The following ENTREP2 variants were observed in gnomAD, a reference collection of about 807,000 sequenced individuals.
The protein encoded by ENTREP2 is endosomal transmembrane epsin interactor 2, also known as protein ENTREP2.
At chr15:29,125,694 C>A in the ENTREP2 span, among the ~76,000 whole-genome samples, 1 of 152,202 alleles carries the variant, frequency 6.6e-6, no homozygotes, top group African/African-American at 2.4e-5. Flanking sequence ...TTCTCCAGCG[C>A]CGGGGGTGCC....
At chr15:29,445,742 ACTCCTGGAGAAG>A in the ENTREP2 span, among the ~76,000 whole-genome samples, 1 of 152,022 alleles carries the variant, frequency 6.6e-6, no homozygotes, top group African/African-American at 2.4e-5. Flanking sequence ...CAGCCATCCC[ACTCCTGGAGAAG>A]GGAGTTGTGA....
At chr15:29,524,268 G>C in the ENTREP2 span, among the ~76,000 whole-genome samples, 1 of 152,176 alleles carries the variant, frequency 6.6e-6, no homozygotes, top group African/African-American at 2.4e-5. Flanking sequence ...CACATGAAAA[G>C]ATGCTCAACA....
chr15:29,452,456 T>C, the ENTREP2 span: 4 of 152,238 alleles, frequency 2.6e-5, no homozygotes, highest in Non-Finnish European at 5.9e-5. Flanking sequence ...TCAACTAATG[T>C]GATGTGGCGA....
the ENTREP2 span, among the ~76,000 whole-genome samples, chr15:29,197,012 C>T: frequency 2.0e-5 from 3 of 152,168 alleles, no homozygotes; most frequent in African/African-American, 4.8e-5. Context: ...GCGCCACCCT[C>T]GAGGCCTTGT....
the ENTREP2 span, among the ~76,000 whole-genome samples, chr15:29,426,731 G>C: frequency 1.3e-5 from 2 of 152,300 alleles, no homozygotes; most frequent in Admixed American, 6.5e-5. Context: ...TCATAAGCCA[G>C]AGTTGTTTTG....
At chr15:29,556,483 G>A in the ENTREP2 span, among the ~76,000 whole-genome samples, 130,210 of 152,184 alleles carry the variant, frequency 0.86, 56,039 homozygotes, top group East Asian at 0.98. Flanking sequence ...AAATTCCCAA[G>A]GAACAGAGAA....
chr15:29,371,861 T>C, the ENTREP2 span, among the ~76,000 whole-genome samples: 1 of 151,642 alleles, frequency 6.6e-6, no homozygotes, highest in Admixed American at 6.6e-5. Context: ...ATTTAGAAGG[T>C]AGAGCATCTA....
At chr15:29,158,808 T>C in the ENTREP2 span, among the ~76,000 whole-genome samples, 1 of 152,154 alleles carries the variant, frequency 6.6e-6, no homozygotes, top group South Asian at 2.1e-4. Flanking sequence ...TTATTAATGT[T>C]ATAAAGTTAA....
chr15:29,368,337 A>AAAAT, the ENTREP2 span, among the ~76,000 whole-genome samples: 3 of 146,186 alleles, frequency 2.1e-5, no homozygotes, highest in Admixed American at 6.8e-5. Flanking sequence ...CAAAAAAAAA[A>AAAAT]ATATATATAT....
chr15:29,249,683 G>A, the ENTREP2 span, among the ~76,000 whole-genome samples: 1 of 152,100 alleles, frequency 6.6e-6, no homozygotes, highest in Non-Finnish European at 1.5e-5. Flanking sequence ...CTCAGGGTAG[G>A]TCATGTCCAC....
the ENTREP2 span, among the ~76,000 whole-genome samples, chr15:29,553,081 A>C: frequency 6.6e-6 from 1 of 152,258 alleles, no homozygotes; most frequent in Non-Finnish European, 1.5e-5. Context: ...AGATCGTTTG[A>C]GGCCAGGAGT....
At chr15:29,384,579 G>A in the ENTREP2 span, among the ~76,000 whole-genome samples, 1 of 152,168 alleles carries the variant, frequency 6.6e-6, no homozygotes, top group East Asian at 1.9e-4. Flanking sequence ...ACCTCCCTTG[G>A]TGGCCCCACT....
the ENTREP2 span, among the ~76,000 whole-genome samples, chr15:29,633,973 C>A: frequency 2.0e-5 from 3 of 151,894 alleles, no homozygotes; most frequent in African/African-American, 7.2e-5. Context: ...AAAGAAAAAA[C>A]GGGGTGGGGG....
At chr15:29,556,844 C>A in the ENTREP2 span, among the ~76,000 whole-genome samples, 1 of 151,072 alleles carries the variant, frequency 6.6e-6, no homozygotes, top group Non-Finnish European at 1.5e-5. Context: ...GCTCTCATCA[C>A]CCACCGCCAG....
At chr15:29,559,088 C>A in the ENTREP2 span, among the ~76,000 whole-genome samples, 1 of 152,030 alleles carries the variant, frequency 6.6e-6, no homozygotes. Context: ...AAAATGAGGA[C>A]AAGACGTAGT....
chr15:29,429,162 T>C, the ENTREP2 span, among the ~76,000 whole-genome samples: 1 of 151,068 alleles, frequency 6.6e-6, no homozygotes, highest in African/African-American at 2.4e-5. Context: ...TGTCCATCCA[T>C]CCATCCATCC....
the ENTREP2 span, among the ~76,000 whole-genome samples, chr15:29,338,155 T>C: frequency 2.0e-5 from 3 of 152,026 alleles, no homozygotes; most frequent in African/African-American, 7.2e-5. Flanking sequence ...GAGGGCACTT[T>C]TGAGTGTGGG....
the ENTREP2 span, among the ~76,000 whole-genome samples, chr15:29,330,274 T>C: frequency 7.8e-6 from 1 of 127,766 alleles, no homozygotes; most frequent in Non-Finnish European, 1.7e-5. Context: ...CGGCCTCTAC[T>C]AAAAATACAA....
chr15:29,221,394 G>A, the ENTREP2 span, among the ~76,000 whole-genome samples: 2 of 151,980 alleles, frequency 1.3e-5, no homozygotes, highest in African/African-American at 2.4e-5. Flanking sequence ...TAGAGACAGG[G>A]TTTCACTGTG....
Sources: allele counts gnomAD v4.1 joint callset (sites outside exome capture counted in the v4.1 genomes callset), GRCh38; gene constraint gnomAD v4.1.1; transcripts MANE v1.5; gene names NCBI Gene and HGNC (gene_info 2026-07-23, HGNC 2026-07-21).